The following XKR9 variants were observed in gnomAD, a reference collection of about 807,000 sequenced individuals.
The protein encoded by XKR9 is XK-related protein 9.
Under a neutral mutation model 32.0 loss-of-function variants are expected in XKR9, and 32 were observed. That is an observed-to-expected ratio of 1.00 (90% CI 0.76 to 1.34). The LOEUF (loss-of-function observed/expected upper bound fraction) is 1.34, where lower values mean the gene tolerates loss of function less well. Ranked by LOEUF, XKR9 falls within the 40% of genes most tolerant of loss-of-function variation. XKR9 has a pLI of 0.00. For missense variants in XKR9, 546 were observed against 429.7 expected (o/e 1.27, Z -2.39); for synonymous variants, 168 against 143.4 (o/e 1.17, Z -1.22).
chr8:71,038,729 C>T, the XKR9 span, among the ~76,000 whole-genome samples: 3 of 144,148 alleles, frequency 2.1e-5, no homozygotes, highest in Non-Finnish European at 3.0e-5. Flanking sequence ...AATAATTGTC[C>T]TAGCTCATGT....
the XKR9 span, among the ~76,000 whole-genome samples, chr8:70,884,298 T>C: frequency 5.3e-5 from 8 of 152,154 alleles, no homozygotes; most frequent in African/African-American, 1.9e-4. Flanking sequence ...TCAATATGTT[T>C]TGCAAATATT....
chr8:70,822,680 C>T, the XKR9 span, among the ~76,000 whole-genome samples: 1 of 151,660 alleles, frequency 6.6e-6, no homozygotes, highest in Non-Finnish European at 1.5e-5. Flanking sequence ...AAAGTTCATT[C>T]TGTGTGACAA....
intron 4 of XKR9, among the ~76,000 whole-genome samples, chr8:70,731,099 C>T (rs890684742): frequency 4.6e-5 from 7 of 152,214 alleles, no homozygotes; most frequent in Non-Finnish European, 1.0e-4. Flanking sequence ...CCTAAACCAT[C>T]ATTGTATCCT....
chr8:70,913,697 T>G, the XKR9 span, among the ~76,000 whole-genome samples: 1 of 152,134 alleles, frequency 6.6e-6, no homozygotes, highest in East Asian at 1.9e-4. Flanking sequence ...GGACACGGAT[T>G]AAGAAATAGA....
chr8:70,898,076 T>C, the XKR9 span, among the ~76,000 whole-genome samples: 1 of 152,170 alleles, frequency 6.6e-6, no homozygotes, highest in Non-Finnish European at 1.5e-5. Flanking sequence ...TCCATTTTGA[T>C]TTGATTTTTG....
chr8:71,056,812 T>C, the XKR9 span, among the ~76,000 whole-genome samples: 1 of 152,190 alleles, frequency 6.6e-6, no homozygotes, highest in African/African-American at 2.4e-5. Flanking sequence ...ATTGTTATTA[T>C]TAATAAAAAA....
chr8:70,705,497 T>TGAAAA (rs1244008932), intron 3 of XKR9, among the ~76,000 whole-genome samples: 1 of 151,986 alleles, frequency 6.6e-6, no homozygotes, highest in Non-Finnish European at 1.5e-5. Context: ...AGGAGCAAAC[T>TGAAAA]GAAAATATAT....
chr8:70,708,341 GA>G (rs1805793409), intron 4 of XKR9, among the ~76,000 whole-genome samples: 2 of 152,032 alleles, frequency 1.3e-5, no homozygotes, highest in Non-Finnish European at 2.9e-5. Flanking sequence ...CTACCTATGA[GA>G]TCCAGCTATC....
the XKR9 span, among the ~76,000 whole-genome samples, chr8:70,872,107 T>G: frequency 3.3e-5 from 5 of 152,212 alleles, no homozygotes; most frequent in African/African-American, 4.8e-5. Context: ...AAACTTCTAG[T>G]TCCATGTTCT....
At chr8:70,789,196 T>C (rs1807731044) in intron 2 of XKR9, 1 of 152,010 alleles carries the variant, frequency 6.6e-6, no homozygotes, top group Non-Finnish European at 1.5e-5. Context: ...ATACTGTGTA[T>C]AGTAAGTATA....
intron 2 of XKR9, among the ~76,000 whole-genome samples, chr8:70,785,463 TAACAATTA>T (rs1807672355): frequency 1.3e-5 from 2 of 151,682 alleles, no homozygotes; most frequent in Admixed American, 1.3e-4. Flanking sequence ...TTTCATTGAT[TAACAATTA>T]AACAATTAAA....
At chr8:70,925,348 A>G in the XKR9 span, among the ~76,000 whole-genome samples, 1 of 152,200 alleles carries the variant, frequency 6.6e-6, no homozygotes, top group Admixed American at 6.5e-5. Context: ...TGGATTCAAA[A>G]AAAAGAAAAG....
At chr8:70,935,821 A>G in the XKR9 span, among the ~76,000 whole-genome samples, 1 of 152,034 alleles carries the variant, frequency 6.6e-6, no homozygotes, top group Non-Finnish European at 1.5e-5. Flanking sequence ...CATTCAAGCC[A>G]TTTTGTTTTT....
chr8:70,931,615 G>T, the XKR9 span, among the ~76,000 whole-genome samples: 2 of 152,174 alleles, frequency 1.3e-5, no homozygotes, highest in Non-Finnish European at 2.9e-5. Flanking sequence ...AAGAAAAGAG[G>T]TTTATTTTGG....
At chr8:70,739,359 G>A (rs537920832), downstream of XKR9, among the ~76,000 whole-genome samples, 3 of 152,106 alleles carry the variant, frequency 2.0e-5, no homozygotes, top group Non-Finnish European at 4.4e-5. Flanking sequence ...GCCTATGTGT[G>A]TCTCTGCACA....
intron 2 of XKR9, among the ~76,000 whole-genome samples, chr8:70,776,530 C>A (rs1807522633): frequency 6.6e-6 from 1 of 151,948 alleles, no homozygotes; most frequent in Admixed American, 6.6e-5. Context: ...GATAAACTCC[C>A]TGGGGTTTCT....
At chr8:70,808,919 T>C in the XKR9 span, among the ~76,000 whole-genome samples, 2 of 152,212 alleles carry the variant, frequency 1.3e-5, no homozygotes, top group Admixed American at 1.3e-4. Context: ...GACTTAAATG[T>C]CCCTGTCTGA....
chr8:70,968,484 A>G, the XKR9 span, among the ~76,000 whole-genome samples: 1 of 152,088 alleles, frequency 6.6e-6, no homozygotes, highest in Non-Finnish European at 1.5e-5. Context: ...CCCTTGCTGG[A>G]GAGGTGTTGT....
chr8:70,797,780 C>T, the XKR9 span, among the ~76,000 whole-genome samples: 1 of 152,104 alleles, frequency 6.6e-6, no homozygotes, highest in Non-Finnish European at 1.5e-5. Flanking sequence ...GTTTAGCTCT[C>T]ACTTATAAGT....
Sources: allele counts gnomAD v4.1 joint callset (sites outside exome capture counted in the v4.1 genomes callset), GRCh38; gene constraint gnomAD v4.1.1; transcripts MANE v1.5; gene names NCBI Gene and HGNC (gene_info 2026-07-23, HGNC 2026-07-21).